The following ARNT2 variants were observed in gnomAD, a reference collection of about 807,000 sequenced individuals.
The protein encoded by ARNT2 is ARNT protein 2.
In ARNT2, 36 loss-of-function variants were observed where a neutral mutation model predicts 91.7. The ratio of observed to expected loss-of-function variants is 0.39; its 90% confidence interval spans 0.30 to 0.52. The LOEUF (loss-of-function observed/expected upper bound fraction) is 0.52. Among genes scored for constraint, ARNT2 ranks in the 20% least tolerant of loss-of-function variants. The pLI is 0.72. For missense variants in ARNT2, 775 were observed against 939.3 expected (o/e 0.83, Z 2.29); for synonymous variants, 365 against 347.1 (o/e 1.05, Z -0.57).
At chr15:80,460,588 G>A (rs1896538363) in intron 3 of ARNT2, among the ~76,000 whole-genome samples, 2 of 152,194 alleles carry the variant, frequency 1.3e-5, no homozygotes, top group Non-Finnish European at 2.9e-5. Flanking sequence ...TGCCATTCGG[G>A]GAGCTGTGAT....
At chr15:80,464,310 A>G (rs1896614776) in intron 3 of ARNT2, among the ~76,000 whole-genome samples, 1 of 140,014 alleles carries the variant, frequency 7.1e-6, no homozygotes, top group South Asian at 2.4e-4. Context: ...ATACATCCCG[A>G]TTGGGGGCTG....
At chr15:80,410,887 C>A (rs1895672717) in intron 1 of ARNT2, among the ~76,000 whole-genome samples, 1 of 151,860 alleles carries the variant, frequency 6.6e-6, no homozygotes, top group African/African-American at 2.4e-5. Flanking sequence ...TTTTGTGGGG[C>A]AGGTCAGGCT....
At chr15:80,480,175 A>G (rs1361933890) in intron 5 of ARNT2, among the ~76,000 whole-genome samples, 2 of 152,110 alleles carry the variant, frequency 1.3e-5, no homozygotes, top group Admixed American at 6.5e-5. Context: ...AGAATTAATG[A>G]TCCTGGATAT....
intron 10 of ARNT2, among the ~76,000 whole-genome samples, chr15:80,554,301 C>T (rs528690872): frequency 2.0e-4 from 30 of 152,010 alleles, no homozygotes; most frequent in Admixed American, 1.4e-3. Flanking sequence ...CCCAGCTACT[C>T]GGGAGGCTGA....
At chr15:80,547,290 G>A (rs1031815970) in intron 8 of ARNT2, among the ~76,000 whole-genome samples, 2 of 152,198 alleles carry the variant, frequency 1.3e-5, no homozygotes, top group South Asian at 2.1e-4. Context: ...ATACCAAGCT[G>A]TCCTGGTGGT....
intron 5 of ARNT2, among the ~76,000 whole-genome samples, chr15:80,489,269 C>T (rs563798544): frequency 6.6e-6 from 1 of 152,210 alleles, no homozygotes; most frequent in Non-Finnish European, 1.5e-5. Context: ...TAAAAGTGCA[C>T]GTATAGCACT....
intron 3 of ARNT2, among the ~76,000 whole-genome samples, chr15:80,459,826 T>C (rs1394364049): frequency 2.6e-5 from 4 of 152,208 alleles, no homozygotes; most frequent in Non-Finnish European, 5.9e-5. Flanking sequence ...GCATATGCTG[T>C]TACTAATAGG....
chr15:80,464,325 T>TGGGGGGG (rs200756364), intron 3 of ARNT2, among the ~76,000 whole-genome samples: 12 of 139,510 alleles, frequency 8.6e-5, no homozygotes, highest in Admixed American at 1.5e-4. Flanking sequence ...GGGCTGGGGG[T>TGGGGGGG]GGGGGGTTGC....
chr15:80,553,944 C>T (rs984001864), intron 10 of ARNT2, among the ~76,000 whole-genome samples: 1 of 152,146 alleles, frequency 6.6e-6, no homozygotes, highest in Non-Finnish European at 1.5e-5. Context: ...AAATTCACCC[C>T]AACCTCTGAT....
Position 80,470,142 on chromosome 15 carries a change from T to C in ARNT2, c.195-76T>C, listed in dbSNP as rs1008857248. ...CCTGGTCATTTGGTGTTAATGGTTT[T>C]ATCCCATTAGATAGTAATCCCTAAT... On this transcript the variant is annotated intron_variant, in intron 3 of 18. Transcript: ENST00000303329. The C allele has an allele frequency of 8.6e-6, 12 of 1,400,886 alleles. No individual in the cohort carries two copies. In the Middle Eastern group the frequency reaches 5.3e-4, roughly 62 times the overall value. 86.8% of individuals were successfully genotyped at this position (1,400,886 alleles called of 1,614,324 possible).
Position 80,457,297 on chromosome 15 carries a change from C to T in ARNT2, c.147-632C>T, listed in dbSNP as rs189994924. The stretch of plus-strand genomic sequence containing the variant: ...GCACAGCTGATTTGAGTAGCTTGAG[C>T]CCCAAACAGCCATTTTCCCCTCAAC... On this transcript the variant is annotated intron_variant, in intron 2 of 18. Coordinates refer to ENST00000303329, the MANE Select transcript of ARNT2 (RefSeq NM_014862.4). Among the ~76,000 whole-genome samples, 121 of 152,288 alleles carry T rather than the reference C, an allele frequency of 7.9e-4. 1 individual carries two copies. Among genetic ancestry groups the T allele is most frequent in the Admixed American group, 3.3e-3 (50 of 15,302 alleles).
intron 1 of ARNT2, among the ~76,000 whole-genome samples, chr15:80,409,979 G>T (rs545544804): frequency 5.5e-4 from 84 of 152,300 alleles, no homozygotes; most frequent in African/African-American, 1.8e-3. Flanking sequence ...GACCACTTTT[G>T]GGTTAGGGAC....
At chr15:80,551,010 A>T in intron 8 of ARNT2, 189 bp from the exon 9 acceptor site, 2 of 571,680 alleles carry the variant, frequency 3.5e-6, no homozygotes, top group Non-Finnish European at 6.3e-6. Flanking sequence ...CCATAAAATT[A>T]TCAAAAGACA....
chr15:80,483,556 G>A (rs1476570810), intron 5 of ARNT2, among the ~76,000 whole-genome samples: 1 of 152,186 alleles, frequency 6.6e-6, no homozygotes, highest in Non-Finnish European at 1.5e-5. Flanking sequence ...AGCAGCCTGT[G>A]TAGCAGCCTT....
chr15:80,471,393 A>T (rs1436533165), intron 4 of ARNT2, among the ~76,000 whole-genome samples: 1 of 152,176 alleles, frequency 6.6e-6, no homozygotes, highest in Non-Finnish European at 1.5e-5. Flanking sequence ...GGAGGTTGGG[A>T]GGAGGGAGAG....
rs1420789867 is a variant in ARNT2, at chr15:80,594,252, C to T, written c.*554C>T. 1 of 154,648 alleles carries T rather than the reference C, an allele frequency of 6.5e-6. No individual in the cohort carries two copies. Among genetic ancestry groups the T allele is most frequent in the Non-Finnish European group, 1.4e-5 (1 of 69,744 alleles). 9.6% of individuals were successfully genotyped at this position (154,648 alleles called of 1,614,324 possible). A position where few individuals can be genotyped will look rare whatever the true frequency, so the allele number is the denominator to read the frequency against. ...CTCCGCTGGTCTGTCTGTGCATCCA[C>T]TGTGCCGTGGGACATATGTAATTTG... On this transcript the variant is annotated 3_prime_UTR_variant, in exon 19 of 19. Transcript: ENST00000303329.
intron 3 of ARNT2, among the ~76,000 whole-genome samples, chr15:80,469,159 G>A (rs1386985945): frequency 1.3e-5 from 2 of 152,266 alleles, no homozygotes; most frequent in South Asian, 2.1e-4. Flanking sequence ...TCTTAGAGTC[G>A]TTGAACTGAG....
chr15:80,480,709 G>C (rs564857317), intron 5 of ARNT2, among the ~76,000 whole-genome samples: 5 of 152,176 alleles, frequency 3.3e-5, no homozygotes, highest in East Asian at 3.9e-4. Context: ...CAGCAGAAGA[G>C]GGTGCAAGCA....
intron 3 of ARNT2, among the ~76,000 whole-genome samples, chr15:80,462,933 T>C (rs973624921): frequency 3.3e-5 from 5 of 152,180 alleles, no homozygotes; most frequent in Non-Finnish European, 5.9e-5. Flanking sequence ...GTAGGCATTT[T>C]CCCCCCTGGC....
Sources: gnomAD v4.1 joint callset for allele counts (sites outside exome capture counted in the v4.1 genomes callset) on GRCh38, gnomAD v4.1.1 for gene constraint, MANE v1.5 for transcripts, NCBI Gene and HGNC (gene_info 2026-07-23, HGNC 2026-07-21) for gene names.